Variants in UNC13C observed in about 807,000 individuals in gnomAD.
UNC13C encodes protein unc-13 homolog C.
In UNC13C, 174 loss-of-function variants were observed where a neutral mutation model predicts 245.4. The ratio of observed to expected loss-of-function variants is 0.71; its 90% CI spans 0.63 to 0.80. The LOEUF (loss-of-function observed/expected upper bound fraction) is 0.80. UNC13C is among the 30% of genes least tolerant of loss of function. UNC13C has a pLI of 0.00. For missense variants in UNC13C, 2,829 were observed against 2,602.9 expected, an observed-to-expected ratio of 1.09 and a Z score of -1.89; for synonymous variants, 992 against 895.1, an observed-to-expected ratio of 1.11 and a Z score of -1.93.
downstream of UNC13C, chr15:54,628,701 T>A (rs1357258332): frequency 6.6e-6 from 1 of 152,356 alleles, no homozygotes; most frequent in African/African-American, 2.4e-5. Context: ...TATGTAATAG[T>A]CTTCATATTA....
intron 19 of UNC13C, among the ~76,000 whole-genome samples, chr15:54,486,772 T>C (rs2141073953): frequency 6.6e-6 from 1 of 152,362 alleles, no homozygotes; most frequent in East Asian, 1.9e-4. Flanking sequence ...TCCCATTCTT[T>C]TTCTTTATAA....
intron 30 of UNC13C, among the ~76,000 whole-genome samples, chr15:54,599,494 G>A (rs1053783405): frequency 6.6e-6 from 1 of 151,980 alleles, no homozygotes; most frequent in African/African-American, 2.4e-5. Context: ...GGATAAAAAT[G>A]GTAAGATCTA....
intron 30 of UNC13C, among the ~76,000 whole-genome samples, chr15:54,584,393 T>C (rs1898373535): frequency 6.6e-6 from 1 of 152,204 alleles, no homozygotes; most frequent in South Asian, 2.1e-4. Flanking sequence ...AGTTTATAAA[T>C]ACCTCGAATT....
intron 8 of UNC13C, among the ~76,000 whole-genome samples, chr15:54,250,986 G>A (rs933444120): frequency 4.0e-5 from 6 of 151,888 alleles, no homozygotes; most frequent in African/African-American, 1.2e-4. Flanking sequence ...TCCATCTCCT[G>A]ACCTCATGAT....
chr15:53,974,193 T>C (rs1893628193), upstream of UNC13C, among the ~76,000 whole-genome samples: 4 of 152,208 alleles, frequency 2.6e-5, no homozygotes. Context: ...TAGACACTAT[T>C]ATTGTGTTAC....
intron 23 of UNC13C, among the ~76,000 whole-genome samples, chr15:54,508,748 G>C (rs1037003146): frequency 1.1e-4 from 16 of 152,042 alleles, no homozygotes; most frequent in African/African-American, 3.9e-4. Flanking sequence ...AGTATATATA[G>C]TTACTATTAC....
At chr15:54,499,340 C>G (rs1300072164) in intron 20 of UNC13C, among the ~76,000 whole-genome samples, 1 of 152,062 alleles carries the variant, frequency 6.6e-6, no homozygotes, top group Non-Finnish European at 1.5e-5. Context: ...ATGATCAAAG[C>G]ACCTCCTACC....
intron 17 of UNC13C, among the ~76,000 whole-genome samples, chr15:54,380,388 G>T (rs1028193131): frequency 2.6e-5 from 4 of 152,094 alleles, no homozygotes; most frequent in Non-Finnish European, 5.9e-5. Context: ...AGCTACTTAA[G>T]TTGATTCCAT....
intron 10 of UNC13C, among the ~76,000 whole-genome samples, chr15:54,276,920 TA>T (rs2036848067): frequency 6.6e-6 from 1 of 152,144 alleles, no homozygotes; most frequent in East Asian, 1.9e-4. Flanking sequence ...AAAGTAAGCA[TA>T]AAAATATGTT....
intron 19 of UNC13C, among the ~76,000 whole-genome samples, chr15:54,456,394 A>G (rs953834617): frequency 6.6e-6 from 1 of 151,968 alleles, no homozygotes; most frequent in African/African-American, 2.4e-5. Context: ...GTGAAGAATG[A>G]TGATGGTATT....
At chr15:54,255,394 G>C (rs1055869169) in intron 8 of UNC13C, among the ~76,000 whole-genome samples, 27 of 152,024 alleles carry the variant, frequency 1.8e-4, no homozygotes, top group African/African-American at 6.0e-4. Context: ...GGCCCAGGCT[G>C]TCCTCTGACT....
the UNC13C span, among the ~76,000 whole-genome samples, chr15:53,882,809 GTTCTTCTC>G: frequency 2.0e-5 from 3 of 152,084 alleles, no homozygotes; most frequent in Non-Finnish European, 4.4e-5. Flanking sequence ...GAAAACTAGT[GTTCTTCTC>G]CACTGAGGAT....
the UNC13C span, among the ~76,000 whole-genome samples, chr15:53,903,483 A>T: frequency 6.6e-6 from 1 of 152,244 alleles, no homozygotes; most frequent in Non-Finnish European, 1.5e-5. Context: ...AGCCCTCTTC[A>T]CTAATTTAAG....
chr15:54,323,439 T>C (rs1209484762), intron 14 of UNC13C, among the ~76,000 whole-genome samples: 1 of 152,070 alleles, frequency 6.6e-6, no homozygotes, highest in East Asian at 1.9e-4. Context: ...CGTCTAAGCC[T>C]CAGTTCCTCA....
chr15:54,022,735 T>C (rs568185576), intron 2 of UNC13C, among the ~76,000 whole-genome samples: 1 of 152,360 alleles, frequency 6.6e-6, no homozygotes, highest in South Asian at 2.1e-4. Flanking sequence ...TCCTTGGCTA[T>C]GCAGAAGCTT....
At chr15:54,179,648 C>T (rs1048347605) in intron 4 of UNC13C, among the ~76,000 whole-genome samples, 3 of 151,894 alleles carry the variant, frequency 2.0e-5, no homozygotes, top group Non-Finnish European at 4.4e-5. Context: ...GCGAGAAATT[C>T]AAATATATGT....
the UNC13C span, among the ~76,000 whole-genome samples, chr15:53,848,080 G>A: frequency 7.6e-6 from 1 of 132,148 alleles, no homozygotes; most frequent in African/African-American, 2.7e-5. Context: ...TCGGACATCG[G>A]TGATTTATTT....
intron 17 of UNC13C, 37 bp downstream of exon 17, chr15:54,338,526 T>C: frequency 6.2e-7 from 1 of 1,604,184 alleles, no homozygotes. Flanking sequence ...ATCGCCACTT[T>C]TGTTTCTAGT....
At chr15:54,450,570 C>T (rs1485370601) in intron 19 of UNC13C, among the ~76,000 whole-genome samples, 1 of 152,242 alleles carries the variant, frequency 6.6e-6, no homozygotes, top group African/African-American at 2.4e-5. Context: ...CCCTCTGAGC[C>T]AGACGTGGGA....
Sources: allele counts gnomAD v4.1 joint callset (sites outside exome capture counted in the v4.1 genomes callset), GRCh38; gene constraint gnomAD v4.1.1; transcripts MANE v1.5; gene names NCBI Gene and HGNC (gene_info 2026-07-23, HGNC 2026-07-21).